LRIG1: variants seen among roughly 807,000 people sequenced by gnomAD.
LRIG1 encodes leucine rich repeats and immunoglobulin like domains 1.
In LRIG1, 48 loss-of-function variants were observed where a neutral mutation model predicts 99.2. That is an observed-to-expected ratio of 0.48 (90% confidence interval 0.38 to 0.62). The LOEUF is 0.62. LRIG1 is among the 20% of genes least tolerant of loss of function. LRIG1 has a pLI of 0.00. For synonymous variants in LRIG1, 772 were observed against 596.1 expected (o/e 1.29, Z -4.30); for missense variants, 1,646 against 1,434.4 (o/e 1.15, Z -2.38).
intron 3 of LRIG1, among the ~76,000 whole-genome samples, chr3:66,424,886 G>T (rs898518834): frequency 6.6e-6 from 1 of 152,226 alleles, no homozygotes; most frequent in African/African-American, 2.4e-5. Context: ...AATGGGCTTT[G>T]TGTTAGATGA....
intron 1 of LRIG1, among the ~76,000 whole-genome samples, chr3:66,475,846 T>C (rs1201888667): frequency 6.6e-6 from 1 of 152,188 alleles, no homozygotes; most frequent in African/African-American, 2.4e-5. Context: ...ACACTACTAG[T>C]GTCAATATTT....
intron 2 of LRIG1, among the ~76,000 whole-genome samples, chr3:66,454,944 T>C (rs1233097175): frequency 6.6e-6 from 1 of 152,216 alleles, no homozygotes. Flanking sequence ...GCAGAAATTG[T>C]GCTTGTCTTT....
intron 12 of LRIG1, chr3:66,387,113 A>AAC (rs1170431892): frequency 1.3e-5 from 2 of 149,784 alleles, no homozygotes; most frequent in Admixed American, 1.3e-4. Context: ...CCCAGGGCAC[A>AAC]TGACTACAAC....
chr3:66,383,949 C>CACACAT (rs747124465), intron 14 of LRIG1, 42 bp downstream of exon 14: 1 of 739,600 alleles, frequency 1.4e-6, no homozygotes, highest in East Asian at 3.8e-5. Flanking sequence ...CTCTCTCGCT[C>CACACAT]ACACACACAC....
intron 1 of LRIG1, among the ~76,000 whole-genome samples, chr3:66,477,234 G>GT (rs11345888): frequency 6.6e-6 from 1 of 152,194 alleles, no homozygotes; most frequent in South Asian, 2.1e-4. Flanking sequence ...TTAACAGCTG[G>GT]TTTTTTTAAC....
chr3:66,435,417 A>T (rs995457814), intron 3 of LRIG1, among the ~76,000 whole-genome samples: 10 of 149,178 alleles, frequency 6.7e-5, no homozygotes, highest in African/African-American at 2.4e-4. Flanking sequence ...AACAAAAAAC[A>T]AAAATACAAG....
At chr3:66,430,543 C>T (rs1482015365) in intron 3 of LRIG1, among the ~76,000 whole-genome samples, 1 of 152,222 alleles carries the variant, frequency 6.6e-6, no homozygotes, top group African/African-American at 2.4e-5. Context: ...GGGAGTTCCA[C>T]GTGGACACTG....
At position 66,491,389 on chromosome 3, in the gene LRIG1, G is replaced by A. The variant is rs117148602; in HGVS notation, c.218+8801C>T. ...ACCTCCCAAGTAAGAGCTATGTGGA[G>A]AAAGTGGAAGGTTAATCAGAATTGC... On this transcript the variant is annotated intron_variant, in intron 1 of 18. Transcript: ENST00000273261. 4.8e-3 allele frequency among the ~76,000 whole-genome samples: 734 copies of A among 152,298 alleles called. 15 individuals carry two copies. In the East Asian group the frequency reaches 0.066, roughly 14 times the overall value.
chr3:66,455,783 G>A (rs560441892), intron 2 of LRIG1, among the ~76,000 whole-genome samples: 5 of 152,178 alleles, frequency 3.3e-5, no homozygotes, highest in Non-Finnish European at 7.3e-5. Context: ...AGAGAATAAT[G>A]TATACTAACT....
intron 12 of LRIG1, among the ~76,000 whole-genome samples, chr3:66,391,558 C>T (rs576233492): frequency 1.9e-4 from 29 of 152,200 alleles, no homozygotes; most frequent in Middle Eastern, 6.8e-3. Context: ...ATATTAAATG[C>T]CCAGAATAGG....
chr3:66,386,459 T>G (rs1035158649), intron 12 of LRIG1, 158 bp from the exon 13 acceptor site: 3 of 638,016 alleles, frequency 4.7e-6, no homozygotes, highest in Non-Finnish European at 5.5e-6. Context: ...GCCGTAAGAG[T>G]TGCACCATGG....
intron 6 of LRIG1, among the ~76,000 whole-genome samples, chr3:66,412,543 A>G (rs574951783): frequency 8.9e-4 from 135 of 152,358 alleles, no homozygotes; most frequent in Non-Finnish European, 1.7e-3. Flanking sequence ...CCCGGTCCCC[A>G]AGACAATGAG....
intron 12 of LRIG1, 84 bp from the exon 13 acceptor site, chr3:66,386,385 C>T: frequency 8.6e-7 from 1 of 1,164,762 alleles, no homozygotes; most frequent in African/African-American, 1.5e-5. Flanking sequence ...CAGAAACTGA[C>T]ACAGACACCA....
intron 3 of LRIG1, among the ~76,000 whole-genome samples, chr3:66,431,544 T>C (rs1367480874): frequency 1.3e-5 from 2 of 152,128 alleles, no homozygotes; most frequent in South Asian, 2.1e-4. Flanking sequence ...ATGATGGAGA[T>C]ACTGCACTTC....
At chr3:66,492,621 G>A (rs1359030435) in intron 1 of LRIG1, among the ~76,000 whole-genome samples, 2 of 152,026 alleles carry the variant, frequency 1.3e-5, no homozygotes, top group Non-Finnish European at 2.9e-5. Context: ...ACTAATCAAC[G>A]CAAAACACTT....
chr3:66,382,063 G>A (rs948102402), intron 16 of LRIG1, among the ~76,000 whole-genome samples: 1 of 152,216 alleles, frequency 6.6e-6, no homozygotes, highest in Non-Finnish European at 1.5e-5. Context: ...GCCCAATCCA[G>A]TGGCTTCCTG....
At chr3:66,443,370 G>T (rs1575695751) in intron 3 of LRIG1, among the ~76,000 whole-genome samples, 1 of 148,658 alleles carries the variant, frequency 6.7e-6, no homozygotes, top group African/African-American at 2.5e-5. Flanking sequence ...GAGTGAGGGG[G>T]TGTGTGTGTG....
At chr3:66,459,802 T>G (rs538248646) in intron 2 of LRIG1, among the ~76,000 whole-genome samples, 62 of 152,276 alleles carry the variant, frequency 4.1e-4, no homozygotes, top group African/African-American at 1.5e-3. Context: ...TAATGCAATA[T>G]TTTTTAAATA....
chr3:66,487,957 T>C (rs921377803), intron 1 of LRIG1, among the ~76,000 whole-genome samples: 8 of 152,104 alleles, frequency 5.3e-5, no homozygotes, highest in African/African-American at 1.9e-4. Context: ...ATTTTAGTTG[T>C]ATCCCCAAAC....
Sources: gnomAD v4.1 joint callset for allele counts (sites outside exome capture counted in the v4.1 genomes callset) on GRCh38, gnomAD v4.1.1 for gene constraint, MANE v1.5 for transcripts, NCBI Gene and HGNC (gene_info 2026-07-23, HGNC 2026-07-21) for gene names.